The following SGMS1 variants were observed in gnomAD, a reference collection of about 807,000 sequenced individuals.
The protein encoded by SGMS1 is sphingomyelin synthase 1.
In SGMS1, 13 loss-of-function variants were observed where a neutral mutation model predicts 46.2. The ratio of observed to expected loss-of-function variants is 0.28; its 90% CI spans 0.18 to 0.45. SGMS1 has a LOEUF of 0.45. Among genes scored for constraint, SGMS1 ranks in the 20% least tolerant of loss-of-function variants. The pLI, the probability that SGMS1 is intolerant of heterozygous loss-of-function variation, is 1.00. For missense variants in SGMS1, 324 were observed against 519.9 expected, an observed-to-expected ratio of 0.62 and a Z score of 3.66; for synonymous variants, 203 against 187.8, an observed-to-expected ratio of 1.08 and a Z score of -0.66.
At chr10:50,456,991 T>C (rs1440390837) in intron 5 of SGMS1, among the ~76,000 whole-genome samples, 1 of 152,226 alleles carries the variant, frequency 6.6e-6, no homozygotes, top group East Asian at 1.9e-4. Flanking sequence ...TTTCTCATCA[T>C]ATCTGAAAGC....
Position 50,500,092 on chromosome 10 carries a change from C to T in SGMS1, c.-498+19739G>A, listed in dbSNP as rs142870664. Among the ~76,000 whole-genome samples, 1,484 of 152,224 alleles carry T rather than the reference C, an allele frequency of 9.7e-3. 29 individuals are homozygous for T. The highest frequency in any genetic ancestry group is 0.034 in the African/African-American group (1,397 of 41,526). On this transcript the variant is annotated intron_variant, in intron 3 of 10. Coordinates refer to ENST00000361781, the MANE Select transcript of SGMS1 (RefSeq NM_147156.4). ...CTGAGGCAAGAGGATCGCTTGAACC[C>T]GGGAGGTGGAGGTTGCAGTGAGCCA...
intron 7 of SGMS1, among the ~76,000 whole-genome samples, chr10:50,331,995 G>A (rs1018397826): frequency 1.3e-5 from 2 of 152,236 alleles, no homozygotes; most frequent in South Asian, 4.1e-4. Context: ...ACAGACTAAG[G>A]TAGCTTCCTA....
rs966758734 is a variant in SGMS1 at position 50,623,660 on chromosome 10, C to T, written c.-684+47G>A. 37 of 985,300 alleles carry T rather than the reference C, an allele frequency of 3.8e-5. No individual in the cohort carries two copies. In the African/African-American group the frequency reaches 6.1e-4, roughly 16 times the overall value. 61.0% of individuals were successfully genotyped at this position (985,300 alleles called of 1,614,324 possible). Reference sequence around the variant, plus strand: ...GCCCGCGAGACAGGTGTCCGATCGGCCCCCGCAACCGTGAGGCCGGCTGTC... The same window carrying T: ...GCCCGCGAGACAGGTGTCCGATCGGTCCCCGCAACCGTGAGGCCGGCTGTC... On this transcript the variant is annotated intron_variant, in intron 1 of 10. Transcript: ENST00000361781.
In SGMS1 at chr10:50,362,918, A is replaced by G. The variant is rs376926998; in HGVS notation, c.-231-18573T>C. ...AAAGAAGAGAGAGCAACATGTTAAA[A>G]GCAGATCAAAAGAGGAAGTGAAATC... On this transcript the variant is annotated intron_variant, in intron 6 of 10. Transcript: ENST00000361781. Among the ~76,000 whole-genome samples, 8 of 152,340 alleles carry G rather than the reference A, an allele frequency of 5.3e-5. 1 individual carries two copies. The highest frequency in any genetic ancestry group is 1.7e-4 in the African/African-American group (7 of 41,582).
At chr10:50,443,767 C>G (rs1211772851) in intron 5 of SGMS1, among the ~76,000 whole-genome samples, 2 of 151,830 alleles carry the variant, frequency 1.3e-5, no homozygotes, top group African/African-American at 4.8e-5. Context: ...TTATTTAAAA[C>G]ATATATGACT....
At chr10:50,477,588 C>T (rs1490544070) in intron 3 of SGMS1, among the ~76,000 whole-genome samples, 2 of 152,104 alleles carry the variant, frequency 1.3e-5, no homozygotes, top group African/African-American at 4.8e-5. Context: ...GAATGATATG[C>T]TTTGGCTATG....
intron 2 of SGMS1, among the ~76,000 whole-genome samples, chr10:50,577,409 A>G (rs988444980): frequency 1.3e-5 from 2 of 152,216 alleles, no homozygotes; most frequent in Non-Finnish European, 2.9e-5. Context: ...ACATAAAAAA[A>G]GTATAGAGAA....
intron 3 of SGMS1, among the ~76,000 whole-genome samples, chr10:50,495,238 C>CAAA (rs35409405): frequency 0.022 from 1,639 of 75,494 alleles, 125 homozygotes; most frequent in African/African-American, 0.054. Flanking sequence ...GATTCCGTCT[C>CAAA]AAAAAAAAAA....
At chr10:50,544,621 G>A (rs1838084286) in intron 2 of SGMS1, among the ~76,000 whole-genome samples, 1 of 152,160 alleles carries the variant, frequency 6.6e-6, no homozygotes, top group Non-Finnish European at 1.5e-5. Flanking sequence ...TCCAGAAGAA[G>A]TAAAACTGAA....
In SGMS1 at chr10:50,344,072, A is replaced by T. The variant is rs1168321720; in HGVS notation, c.43T>A (p.Trp15Arg). 1 of 1,613,994 alleles carries T rather than the reference A, an allele frequency of 6.2e-7. No homozygotes were observed. The highest frequency in any genetic ancestry group is 1.7e-5 in the Admixed American group (1 of 60,006). Reference sequence around the variant, plus strand: ...TCTGGCATAGCATTCTCCAGCAGCCAGTCTGCCACCTTCTTGGGTGACCAA... The same window carrying T: ...TCTGGCATAGCATTCTCCAGCAGCCTGTCTGCCACCTTCTTGGGTGACCAA... Reference protein sequence around the residue: ...VYWSPKKVADWLLENAMPEYC... With the variant: ...VYWSPKKVADRLLENAMPEYC... Residue 15 changes from tryptophan to arginine, a missense_variant, in exon 7 of 11, where the codon TGG becomes AGG. Trp to Arg is a moderately radical substitution (Grantham distance 101, BLOSUM62 -3). This residue lies in a region of SGMS1 where 150 missense variants were observed against 169.8 expected (regional missense o/e 0.88). Transcript: ENST00000361781.
chr10:50,324,762 C>T (rs1194465245), intron 8 of SGMS1, among the ~76,000 whole-genome samples: 4 of 152,136 alleles, frequency 2.6e-5, no homozygotes, highest in African/African-American at 4.8e-5. Flanking sequence ...AAACATAGAG[C>T]GACACAAGTC....
intron 3 of SGMS1, among the ~76,000 whole-genome samples, chr10:50,487,074 G>A (rs568313403): frequency 2.5e-4 from 38 of 152,254 alleles, no homozygotes; most frequent in African/African-American, 7.7e-4. Flanking sequence ...CCCAAATACC[G>A]CATGTTCTCA....
At position 50,430,956 on chromosome 10, in the gene SGMS1, C is replaced by T. The variant is rs1045957468; in HGVS notation, c.-232+2520G>A. On this transcript the variant is annotated intron_variant, in intron 6 of 10. Transcript: ENST00000361781. ...ACATAATGCAACGCTATAAAATTTG[C>T]GCATCTAAAGACTATACACATAGCA... is the stretch of plus-strand genomic sequence containing the variant. 5.3e-5 allele frequency among the ~76,000 whole-genome samples: 8 copies of T among 152,012 alleles called. 1 individual carries two copies. The highest frequency in any genetic ancestry group is 3.9e-4 in the Admixed American group (6 of 15,260).
chr10:50,408,440 A>AT (rs1385194690), intron 6 of SGMS1, among the ~76,000 whole-genome samples: 3 of 149,792 alleles, frequency 2.0e-5, no homozygotes, highest in Non-Finnish European at 4.4e-5. Context: ...TTAAAAAAAA[A>AT]AAAAAAAAAA....
At chr10:50,312,337 TAAAA>T (rs10591253) in intron 8 of SGMS1, among the ~76,000 whole-genome samples, 5 of 135,124 alleles carry the variant, frequency 3.7e-5, no homozygotes, top group African/African-American at 8.0e-5. Flanking sequence ...TGTGAGAAAT[TAAAA>T]AAAAAAAAAA....
Position 50,597,734 on chromosome 10 carries a change from C to T in SGMS1, c.-683-7487G>A, listed in dbSNP as rs142688249. Among the ~76,000 whole-genome samples, 653 of 151,986 alleles carry T rather than the reference C, an allele frequency of 4.3e-3. 12 individuals carry two copies. The highest frequency in any genetic ancestry group is 0.015 in the African/African-American group (610 of 41,468). On this transcript the variant is annotated intron_variant, in intron 1 of 10. Transcript: ENST00000361781. Reference sequence around the variant, plus strand: ...CTGTGTTAAAATTCACAGAACTGGCCGGGCGTGGTGGCTCACATCTGTAAT... The same window carrying T: ...CTGTGTTAAAATTCACAGAACTGGCTGGGCGTGGTGGCTCACATCTGTAAT...
At chr10:50,518,769 C>T (rs1837831709) in intron 3 of SGMS1, among the ~76,000 whole-genome samples, 1 of 152,112 alleles carries the variant, frequency 6.6e-6, no homozygotes, top group Admixed American at 6.5e-5. Context: ...TTTAGACTAT[C>T]TTTCAAAAAA....
At chr10:50,357,293 A>T (rs981199815) in intron 6 of SGMS1, among the ~76,000 whole-genome samples, 1 of 152,210 alleles carries the variant, frequency 6.6e-6, no homozygotes, top group African/African-American at 2.4e-5. Context: ...CTTTAAACAG[A>T]AAAGTAAAAG....
chr10:50,476,557 A>G (rs973808063), intron 3 of SGMS1, among the ~76,000 whole-genome samples: 2 of 152,210 alleles, frequency 1.3e-5, no homozygotes, highest in African/African-American at 4.8e-5. Context: ...CTGAACGTTA[A>G]TAGCCAACAC....
Sources: allele counts gnomAD v4.1 joint callset (sites outside exome capture counted in the v4.1 genomes callset), GRCh38; gene constraint gnomAD v4.1.1; regional missense constraint gnomAD v4.1.1; transcripts MANE v1.5; gene names NCBI Gene and HGNC (gene_info 2026-07-23, HGNC 2026-07-21).